INPP4B: variants seen among roughly 807,000 people sequenced by gnomAD.
The protein encoded by INPP4B is inositol polyphosphate 4-phosphatase type II.
INPP4B carries 55 observed loss-of-function variants against 122.5 expected under a neutral mutation model. The observed-to-expected ratio is 0.45, with a 90% CI of 0.36 to 0.56. The LOEUF (loss-of-function observed/expected upper bound fraction) is 0.56, where lower values mean the gene tolerates loss of function less well. Among genes scored for constraint, INPP4B ranks in the 20% least tolerant of loss-of-function variants. The pLI, the probability that INPP4B is intolerant of heterozygous loss-of-function variation, is 0.00. For synonymous variants in INPP4B, 403 were observed against 388.7 expected, an observed-to-expected ratio of 1.04 and a Z score of -0.43; for missense variants, 1,000 against 1,097.7, an observed-to-expected ratio of 0.91 and a Z score of 1.26.
intron 15 of INPP4B, among the ~76,000 whole-genome samples, chr4:142,184,517 T>G (rs1049242168): frequency 2.0e-5 from 3 of 152,224 alleles, no homozygotes; most frequent in Non-Finnish European, 4.4e-5. Flanking sequence ...GCATAGTCAT[T>G]GGTTCTTCCC....
At chr4:142,742,009 GA>G (rs1767971599) in intron 1 of INPP4B, among the ~76,000 whole-genome samples, 2 of 152,058 alleles carry the variant, frequency 1.3e-5, no homozygotes, top group Admixed American at 1.3e-4. Flanking sequence ...TAAATAAAAA[GA>G]AATTTGCACC....
At chr4:142,463,311 C>T (rs1203530090) in intron 2 of INPP4B, among the ~76,000 whole-genome samples, 1 of 152,016 alleles carries the variant, frequency 6.6e-6, no homozygotes, top group Admixed American at 6.6e-5. Context: ...TCTGAATCAC[C>T]CAGTGCCGCA....
At chr4:142,747,797 A>T (rs1002233549) in intron 1 of INPP4B, among the ~76,000 whole-genome samples, 1 of 152,088 alleles carries the variant, frequency 6.6e-6, no homozygotes, top group African/African-American at 2.4e-5. Context: ...GCATGTTCCC[A>T]CTCATAACTG....
chr4:142,399,894 C>T (rs1236500748), intron 7 of INPP4B, among the ~76,000 whole-genome samples: 1 of 151,994 alleles, frequency 6.6e-6, no homozygotes, highest in Non-Finnish European at 1.5e-5. Flanking sequence ...CGTCTGCCAA[C>T]TTATGGCAGT....
intron 12 of INPP4B, among the ~76,000 whole-genome samples, chr4:142,220,047 T>C (rs1003119726): frequency 2.0e-5 from 3 of 152,210 alleles, no homozygotes; most frequent in Non-Finnish European, 4.4e-5. Flanking sequence ...AGCATTTCTA[T>C]CATCAATGAA....
At chr4:142,044,584 C>T (rs968982381) in intron 25 of INPP4B, among the ~76,000 whole-genome samples, 7 of 151,898 alleles carry the variant, frequency 4.6e-5, no homozygotes, top group African/African-American at 1.7e-4. Context: ...CCTATGGAAA[C>T]TACTGTGTTC....
chr4:142,416,885 A>C (rs1805887749), intron 5 of INPP4B, among the ~76,000 whole-genome samples: 2 of 152,342 alleles, frequency 1.3e-5, no homozygotes, highest in African/African-American at 4.8e-5. Context: ...AGCTAAAGCT[A>C]GAAATGACTA....
intron 1 of INPP4B, among the ~76,000 whole-genome samples, chr4:142,776,908 T>C (rs559784647): frequency 2.0e-5 from 3 of 152,250 alleles, no homozygotes; most frequent in East Asian, 3.9e-4. Flanking sequence ...AATTTGAAAA[T>C]GATCATGAGT....
At chr4:142,127,735 A>T (rs1272628558) in intron 18 of INPP4B, among the ~76,000 whole-genome samples, 1 of 152,230 alleles carries the variant, frequency 6.6e-6, no homozygotes, top group Non-Finnish European at 1.5e-5. Context: ...AAATAGTAGT[A>T]AGCCTTCTAT....
At chr4:142,520,357 A>G (rs2149914940) in intron 2 of INPP4B, among the ~76,000 whole-genome samples, 1 of 152,064 alleles carries the variant, frequency 6.6e-6, no homozygotes, top group South Asian at 2.1e-4. Context: ...CTTTACACAT[A>G]ACTTTAAAAA....
chr4:142,796,011 C>T (rs6831927), intron 1 of INPP4B, among the ~76,000 whole-genome samples: 59,489 of 151,714 alleles, frequency 0.39, 12,044 homozygotes, highest in South Asian at 0.48. Flanking sequence ...AATCCTTCCA[C>T]GTTCATTGCA....
chr4:142,412,002 C>G (rs774773015), intron 5 of INPP4B, among the ~76,000 whole-genome samples: 4 of 152,126 alleles, frequency 2.6e-5, no homozygotes, highest in Non-Finnish European at 5.9e-5. Flanking sequence ...GTGCAAAAGA[C>G]TTTTGCAGCC....
Position 142,026,860 on chromosome 4 carries a change from A to G in INPP4B, c.*1922T>C, listed in dbSNP as rs1005719696. On this transcript the variant is annotated 3_prime_UTR_variant, in exon 26 of 26. Transcript: ENST00000262992. The stretch of plus-strand genomic sequence containing the variant: ...ATACAAATAAAAATTATTGCTTATA[A>G]GAGTATTTACAGAATGATAAATTAC... 6.6e-6 allele frequency: 1 copy of G among 152,234 alleles called. No homozygotes were observed. The highest frequency in any genetic ancestry group is 1.5e-5 in the Non-Finnish European group (1 of 68,048). The allele number at this position is 152,234 out of a possible 1,614,324, so 9.4% of individuals were successfully genotyped here.
chr4:142,583,234 TTGAGACC>T (rs1735473828), intron 2 of INPP4B, among the ~76,000 whole-genome samples: 1 of 152,208 alleles, frequency 6.6e-6, no homozygotes, highest in Non-Finnish European at 1.5e-5. Flanking sequence ...TACAGTAACT[TTGAGACC>T]TTACCTGCCT....
chr4:142,154,749 C>T (rs1410799987), intron 17 of INPP4B, among the ~76,000 whole-genome samples: 3 of 152,060 alleles, frequency 2.0e-5, no homozygotes, highest in African/African-American at 7.2e-5. Context: ...GAAGACAAAT[C>T]AAAATAATCT....
At chr4:142,801,254 G>A (rs1777971582) in intron 1 of INPP4B, among the ~76,000 whole-genome samples, 1 of 152,156 alleles carries the variant, frequency 6.6e-6, no homozygotes, top group Non-Finnish European at 1.5e-5. Context: ...ACAGTGTTAT[G>A]GACTAAATTA....
intron 1 of INPP4B, among the ~76,000 whole-genome samples, chr4:142,836,266 G>A (rs1782754754): frequency 6.6e-6 from 1 of 151,944 alleles, no homozygotes; most frequent in Non-Finnish European, 1.5e-5. Context: ...TGTCTTAAAA[G>A]GGGCACACAA....
At chr4:142,039,207 A>G (rs1161169835) in intron 25 of INPP4B, among the ~76,000 whole-genome samples, 1 of 152,228 alleles carries the variant, frequency 6.6e-6, no homozygotes, top group East Asian at 1.9e-4. Context: ...TGACTGTTCA[A>G]TAAGAAATAG....
intron 2 of INPP4B, among the ~76,000 whole-genome samples, chr4:142,591,507 C>A (rs1420200515): frequency 1.3e-5 from 2 of 151,988 alleles, no homozygotes; most frequent in Non-Finnish European, 2.9e-5. Flanking sequence ...CTTCAGTACA[C>A]AAGAATTCCA....
Sources: allele counts gnomAD v4.1 joint callset (sites outside exome capture counted in the v4.1 genomes callset), GRCh38; gene constraint gnomAD v4.1.1; transcripts MANE v1.5; gene names NCBI Gene and HGNC (gene_info 2026-07-23, HGNC 2026-07-21).